Variants in ASIC2 observed in about 807,000 individuals in gnomAD.
ASIC2 encodes the protein acid sensing ion channel subunit 2.
In ASIC2, 25 loss-of-function variants were observed where a neutral mutation model predicts 57.3. The observed-to-expected ratio is 0.44, with a 90% CI of 0.32 to 0.61. ASIC2 has a LOEUF of 0.61. Among genes scored for constraint, ASIC2 ranks in the 20% least tolerant of loss-of-function variants. The pLI, the probability that ASIC2 is intolerant of heterozygous loss-of-function variation, is 0.06. For synonymous variants in ASIC2, 319 were observed against 307.5 expected, an observed-to-expected ratio of 1.04 and a Z score of -0.39; for missense variants, 641 against 738.1, an observed-to-expected ratio of 0.87 and a Z score of 1.52.
intron 1 of ASIC2, among the ~76,000 whole-genome samples, chr17:33,831,583 T>TAAAAAA (rs11314344): frequency 7.0e-6 from 1 of 142,658 alleles, no homozygotes; most frequent in Non-Finnish European, 1.5e-5. Context: ...TGATCTGAAG[T>TAAAAAA]AAAAAAAAAA....
At chr17:33,459,387 A>G (rs1440768272) in intron 1 of ASIC2, among the ~76,000 whole-genome samples, 2 of 152,134 alleles carry the variant, frequency 1.3e-5, no homozygotes, top group African/African-American at 4.8e-5. Flanking sequence ...AATTCATCCA[A>G]TGGATATTTA....
At chr17:33,264,837 A>C (rs538321208) in intron 1 of ASIC2, among the ~76,000 whole-genome samples, 2 of 152,376 alleles carry the variant, frequency 1.3e-5, no homozygotes, top group South Asian at 2.1e-4. Flanking sequence ...TCAAACAGTT[A>C]CAGGGAAGGA....
chr17:33,391,457 G>C (rs1567845838), intron 1 of ASIC2, among the ~76,000 whole-genome samples: 1 of 152,188 alleles, frequency 6.6e-6, no homozygotes, highest in Non-Finnish European at 1.5e-5. Context: ...CAGAGGTCTG[G>C]TCCTGGCTTC....
intron 1 of ASIC2, among the ~76,000 whole-genome samples, chr17:33,199,938 C>T (rs1906788831): frequency 6.6e-6 from 1 of 152,126 alleles, no homozygotes; most frequent in Non-Finnish European, 1.5e-5. Context: ...CCTTGCGTTC[C>T]CTATCCCCTG....
chr17:33,917,055 T>C (rs1045013595), intron 1 of ASIC2, among the ~76,000 whole-genome samples: 4 of 152,182 alleles, frequency 2.6e-5, no homozygotes, highest in Non-Finnish European at 5.9e-5. Context: ...CTCCCTTCCA[T>C]GTCCCCTCAC....
chr17:33,610,216 G>A (rs1474523733), intron 1 of ASIC2, among the ~76,000 whole-genome samples: 1 of 152,160 alleles, frequency 6.6e-6, no homozygotes, highest in African/African-American at 2.4e-5. Context: ...AGAGTGCAGT[G>A]GCACGATCTC....
intron 3 of ASIC2, among the ~76,000 whole-genome samples, chr17:33,039,078 C>T (rs972258162): frequency 6.6e-6 from 1 of 152,124 alleles, no homozygotes; most frequent in Non-Finnish European, 1.5e-5. Flanking sequence ...CTGGAATGGG[C>T]AGGAAAGCAT....
chr17:33,137,303 G>A (rs1292208041), intron 1 of ASIC2, among the ~76,000 whole-genome samples: 1 of 152,200 alleles, frequency 6.6e-6, no homozygotes, highest in Non-Finnish European at 1.5e-5. Context: ...CTTATCAGAG[G>A]CTTTATTATG....
At chr17:34,146,471 A>C (rs1912420085) in intron 1 of ASIC2, among the ~76,000 whole-genome samples, 1 of 152,126 alleles carries the variant, frequency 6.6e-6, no homozygotes, top group African/African-American at 2.4e-5. Flanking sequence ...GGGAAGGGGA[A>C]GGTAGGGCGG....
chr17:33,112,055 A>G lies in ASIC2; in HGVS notation c.721T>C (p.Tyr241His). 1 of 1,613,480 alleles carries G rather than the reference A, an allele frequency of 6.2e-7. No homozygotes were observed. The highest frequency in any genetic ancestry group is 8.5e-7 in the Non-Finnish European group (1 of 1,179,752). Residue 241 changes from tyrosine to histidine, a missense_variant, in exon 2 of 10, where the codon TAT (tyrosine) becomes CAT (histidine). Around this residue, in one of 3 missense-constraint regions of ASIC2, gnomAD observed 382 missense variants for 398.0 expected, o/e 0.96. Transcript: ENST00000225823. ...GAGTTAAACATGTAACACTTCCCAT[A>G]TTTTGTAAACACCTGAAGGAGAGAA... ...PHNFSSVFTKYGKCYMFNSGE... is the reference protein window; with the variant it reads ...PHNFSSVFTKHGKCYMFNSGE...
rs559549559 is a variant in ASIC2, at chr17:33,257,564, A to G, written c.708+33844T>C. 2.6e-5 allele frequency among the ~76,000 whole-genome samples: 4 copies of G among 152,098 alleles called. No homozygotes were observed. The South Asian group carries it at 6.2e-4, about 24-fold the overall frequency. On this transcript the variant is annotated intron_variant, in intron 1 of 9. Transcript: ENST00000225823. ...CAAGAGCCCAGAGTGGCAAACTCCC[A>G]CCCCTGTGCACGTTCTTCTGCCTTA...
chr17:34,137,213 C>T (rs1912151625), intron 1 of ASIC2, among the ~76,000 whole-genome samples: 1 of 152,096 alleles, frequency 6.6e-6, no homozygotes, highest in Non-Finnish European at 1.5e-5. Flanking sequence ...GGGGACATGC[C>T]ATATCCATCC....
At chr17:33,852,369 C>A (rs1431320260) in intron 1 of ASIC2, among the ~76,000 whole-genome samples, 1 of 152,130 alleles carries the variant, frequency 6.6e-6, no homozygotes, top group Non-Finnish European at 1.5e-5. Flanking sequence ...ACCTTACGTC[C>A]CCTTTCTGGT....
At chr17:33,504,246 T>C (rs1914183025) in intron 1 of ASIC2, among the ~76,000 whole-genome samples, 2 of 152,242 alleles carry the variant, frequency 1.3e-5, no homozygotes, top group Admixed American at 6.5e-5. Flanking sequence ...CTAAACACTA[T>C]TTCAGTTGGA....
At chr17:33,137,101 CCTG>C (rs1393129959) in intron 1 of ASIC2, among the ~76,000 whole-genome samples, 1 of 152,220 alleles carries the variant, frequency 6.6e-6, no homozygotes, top group East Asian at 1.9e-4. Context: ...GGGACAGCCG[CCTG>C]CTGCTGGGCC....
intron 1 of ASIC2, among the ~76,000 whole-genome samples, chr17:33,392,310 G>A (rs1909931232): frequency 6.7e-6 from 1 of 150,086 alleles, no homozygotes; most frequent in South Asian, 2.1e-4. Context: ...ACCCAGGCTG[G>A]AGTGCAGTGG....
chr17:33,842,811 G>A (rs964377865), intron 1 of ASIC2, among the ~76,000 whole-genome samples: 1 of 152,216 alleles, frequency 6.6e-6, no homozygotes, highest in Admixed American at 6.5e-5. Context: ...TGGCCCACGA[G>A]AACCCACTCA....
At chr17:33,140,631 G>T (rs751393258) in intron 1 of ASIC2, among the ~76,000 whole-genome samples, 1 of 152,222 alleles carries the variant, frequency 6.6e-6, no homozygotes, top group Non-Finnish European at 1.5e-5. Context: ...TTTAAGGTGG[G>T]TGTCACGTCA....
At chr17:33,797,923 CA>C (rs1389138945) in intron 1 of ASIC2, among the ~76,000 whole-genome samples, 10 of 152,164 alleles carry the variant, frequency 6.6e-5, no homozygotes, top group Non-Finnish European at 1.5e-4. Context: ...GACTAGCCCC[CA>C]CACATAGGCT....
Sources: gnomAD v4.1 joint callset for allele counts (sites outside exome capture counted in the v4.1 genomes callset) on GRCh38, gnomAD v4.1.1 for gene constraint, gnomAD v4.1.1 regional missense constraint, MANE v1.5 for transcripts, NCBI Gene and HGNC (gene_info 2026-07-23, HGNC 2026-07-21) for gene names.